Variants in ATRIP observed in about 807,000 individuals in gnomAD.
ATRIP encodes the protein ATR-interacting protein.
A neutral mutation model predicts 78.1 loss-of-function variants in ATRIP; 44 were observed. That is an observed-to-expected ratio of 0.56 (90% CI 0.44 to 0.72). The LOEUF is 0.72. Ranked by LOEUF, ATRIP falls within the 30% of genes least tolerant of loss-of-function variation. The pLI is 0.00. For missense variants in ATRIP, 927 were observed against 980.2 expected, an observed-to-expected ratio of 0.95 and a Z score of 0.72; for synonymous variants, 388 against 408.9, an observed-to-expected ratio of 0.95 and a Z score of 0.62.
Position 48,466,286 on chromosome 3 carries a change from C to T in ATRIP, c.*732C>T. 1 of 645,850 alleles carries T rather than the reference C, an allele frequency of 1.5e-6. No individual in the cohort carries two copies. The highest frequency in any genetic ancestry group is 4.2e-4 in the Middle Eastern group (1 of 2,396). 40.0% of individuals were successfully genotyped at this position (645,850 alleles called of 1,614,324 possible). ...GGGAGAGTGTGCAGCCGAGTCACTA[C>T]TGCCTGCCTGCCTGCCTGCTACGGT... On this transcript the variant is annotated 3_prime_UTR_variant, in exon 13 of 13. Transcript: ENST00000320211.
intron 8 of ATRIP, 88 bp downstream of exon 8, chr3:48,460,887 TCTTGA>T: frequency 7.9e-7 from 1 of 1,258,184 alleles, no homozygotes; most frequent in East Asian, 2.4e-5. Flanking sequence ...TTTGCTCACA[TCTTGA>T]CTTATCTACA....
chr3:48,451,783 C>T lies in ATRIP; in HGVS notation c.436C>T (p.Arg146Ter), dbSNP rs1243263893. The T allele has an allele frequency of 5.6e-6, 9 of 1,606,380 alleles. No homozygotes were observed. The highest frequency in any genetic ancestry group is 1.3e-5 in the African/African-American group (1 of 74,788). The change falls in exon 3 of 13, where the codon CGA becomes TGA. Residue 146 changes from arginine to a stop codon, truncating the protein, a stop_gained. Transcript: ENST00000320211. LOFTEE classifies it high-confidence loss of function. Reference protein sequence around the residue: ...LIKNGEIKILRDSLHQTESVL... With the variant: ...LIKNGEIKIL ...TAAGAATGGAGAAATTAAAATTTTG[C>T]GAGACTCACTACATCAGACGGAATC...
rs180805086 is a variant in ATRIP at position 48,453,739 on chromosome 3, C to A, written c.553-561C>A. Reference sequence around the variant, plus strand: ...ACCTGGAATTGTGCACCAGTGCGTTCGTTAATAAAGGTCAATATGTTACTG... The same window carrying A: ...ACCTGGAATTGTGCACCAGTGCGTTAGTTAATAAAGGTCAATATGTTACTG... On this transcript the variant is annotated intron_variant, in intron 3 of 12. Coordinates refer to ENST00000320211, the MANE Select transcript of ATRIP (RefSeq NM_130384.3). Among the ~76,000 whole-genome samples, 4 of 152,200 alleles carry A rather than the reference C, an allele frequency of 2.6e-5. No homozygotes were observed. In the South Asian group the frequency reaches 8.3e-4, roughly 32 times the overall value.
At chr3:48,450,216 C>T (rs370870241) in intron 2 of ATRIP, 46 bp downstream of exon 2, 9 of 1,582,358 alleles carry the variant, frequency 5.7e-6, no homozygotes, top group Admixed American at 1.8e-5. Flanking sequence ...CATTCACTTA[C>T]GTGTTTAAAA....
Position 48,446,817 on chromosome 3 carries a change from C to G in ATRIP, c.-29C>G, listed in dbSNP as rs760919772. On this transcript the variant is annotated 5_prime_UTR_variant, in exon 1 of 13. Transcript: ENST00000320211. The stretch of plus-strand genomic sequence containing the variant: ...GGCGGCAGGCAAGTCTAGCTCGGCG[C>G]TGTCGGATACTTGGGGTGAGCGGAA... 2 of 1,383,718 alleles carry G rather than the reference C, an allele frequency of 1.4e-6. No individual in the cohort carries two copies. The highest frequency in any genetic ancestry group is 1.9e-6 in the Non-Finnish European group (2 of 1,067,678). The allele number at this position is 1,383,718 out of a possible 1,614,324, so 85.7% of individuals were successfully genotyped here. A position where few individuals can be genotyped will look rare whatever the true frequency, so the allele number is the denominator to read the frequency against.
chr3:48,454,474 C>CATAA, intron 4 of ATRIP, 56 bp downstream of exon 4: 1 of 1,348,538 alleles, frequency 7.4e-7, no homozygotes, highest in Middle Eastern at 1.8e-4. Flanking sequence ...AAAAAATCTG[C>CATAA]ATAACAGTGT....
intron 2 of ATRIP, chr3:48,450,393 CA>C: frequency 2.0e-6 from 2 of 1,020,544 alleles, no homozygotes. Flanking sequence ...ATACCAGATC[CA>C]AAAAGAGATA....
chr3:48,449,545 G>C (rs778805589), intron 1 of ATRIP, among the ~76,000 whole-genome samples: 13 of 151,480 alleles, frequency 8.6e-5, no homozygotes, highest in Admixed American at 4.0e-4. Flanking sequence ...AGCACTTTGG[G>C]AGGCAAAGGC....
chr3:48,464,875 A>G lies in ATRIP; in HGVS notation c.2100A>G (p.Thr700=). 6.2e-7 allele frequency: 1 copy of G among 1,613,832 alleles called. No homozygotes were observed. Among genetic ancestry groups the G allele is most frequent in the Non-Finnish European group, 8.5e-7 (1 of 1,179,866 alleles). Residue 700 remains threonine (T), a synonymous_variant, in exon 12 of 13, where the codon ACA becomes ACG. Transcript: ENST00000320211. ...LTVMLHRQWL[T]VRRAGGPPRT... ...TGATGTTGCACAGACAGTGGCTGAC[A>G]GTGCGGAGGGCAGGGGGACCCCCAA...
chr3:48,463,440 C>A (rs1268148188), intron 8 of ATRIP, among the ~76,000 whole-genome samples: 1 of 151,818 alleles, frequency 6.6e-6, no homozygotes, highest in Non-Finnish European at 1.5e-5. Flanking sequence ...TGTTTGGGAG[C>A]ATGTGGAAGC....
intron 2 of ATRIP, among the ~76,000 whole-genome samples, chr3:48,451,380 A>C (rs1396709422): frequency 6.6e-6 from 1 of 152,146 alleles, no homozygotes; most frequent in Non-Finnish European, 1.5e-5. Context: ...AGTCCTAGCT[A>C]CTCAAGAGGT....
chr3:48,463,899 G>A lies in ATRIP; in HGVS notation c.1882+18G>A, dbSNP rs755300826. 80 of 1,613,926 alleles carry A rather than the reference G, an allele frequency of 5.0e-5. No individual in the cohort carries two copies. The highest frequency in any genetic ancestry group is 1.7e-4 in the Middle Eastern group (1 of 6,024). The stretch of plus-strand genomic sequence containing the variant: ...CCACTCAGGTAAAGCAGGGTGGGGC[G>A]GGCGTCTAGACTGCTCCTGCAGATC... On this transcript the variant is annotated intron_variant, in intron 9 of 12. Transcript: ENST00000320211.
At position 48,451,691 on chromosome 3, in the gene ATRIP, C is replaced by T. The variant is rs371062542; in HGVS notation, c.382-38C>T. On this transcript the variant is annotated intron_variant, in intron 2 of 12. Coordinates refer to ENST00000320211, the MANE Select transcript of ATRIP (RefSeq NM_130384.3). ...AAACAAAGTACCTAAGTAGTTTTCT[C>T]TTACAAAGTTTTCACGAGATTAATT... 9.0e-6 allele frequency: 14 copies of T among 1,548,148 alleles called. No homozygotes were observed. In the African/African-American group the frequency reaches 1.2e-4, roughly 14 times the overall value.
Position 48,460,402 on chromosome 3 carries a change from C to G in ATRIP, c.1348C>G (p.Pro450Ala). 3 of 1,613,448 alleles carry G rather than the reference C, an allele frequency of 1.9e-6. No individual in the cohort carries two copies. The highest frequency in any genetic ancestry group is 2.5e-6 in the Non-Finnish European group (3 of 1,179,686). The change falls in exon 8 of 13, where the codon CCG (proline) becomes GCG (alanine). Residue 450 changes from proline (P) to alanine (A), a missense_variant. Coordinates refer to ENST00000320211, the MANE Select transcript of ATRIP (RefSeq NM_130384.3). ...AKRSGAPGDS[P>A]THSSCVSSGV... ...GAGAAGCGGAGCACCTGGGGACTCA[C>G]CGACACATTCCTCCTGCGTGAGCTC...
At chr3:48,449,944 G>GAAAA in intron 1 of ATRIP, 93 bp from the exon 2 acceptor site, 43 of 1,118,672 alleles carry the variant, frequency 3.8e-5, no homozygotes, top group African/African-American at 6.4e-5. Flanking sequence ...TCTCAAAAAA[G>GAAAA]AAAAAAAAAA....
In ATRIP at chr3:48,460,813, T is replaced by G. The variant is rs781039967; in HGVS notation, c.1745+14T>G. 5.7e-6 allele frequency: 9 copies of G among 1,577,046 alleles called. No individual in the cohort carries two copies. Among genetic ancestry groups the G allele is most frequent in the Admixed American group, 1.7e-5 (1 of 58,050 alleles). ...TTTCTTGCCCAGGTATTAAGCTGCA[T>G]AGGAGTCATGATTCTTTGTGGGTCT... On this transcript the variant is annotated intron_variant, in intron 8 of 12. Coordinates refer to ENST00000320211, the MANE Select transcript of ATRIP (RefSeq NM_130384.3).
At chr3:48,452,787 A>T (rs1237927281) in intron 3 of ATRIP, among the ~76,000 whole-genome samples, 1 of 152,076 alleles carries the variant, frequency 6.6e-6, no homozygotes, top group Non-Finnish European at 1.5e-5. Context: ...TCCCTGGCCA[A>T]TTGCTATAAC....
rs1278372985 is a variant in ATRIP, at chr3:48,451,779, T to C, written c.432T>C (p.Ile144=). Reference sequence around the variant, plus strand: ...TCATTAAGAATGGAGAAATTAAAATTTTGCGAGACTCACTACATCAGACGG... The same window carrying C: ...TCATTAAGAATGGAGAAATTAAAATCTTGCGAGACTCACTACATCAGACGG... ...EVLIKNGEIK[I]LRDSLHQTES... The change falls in exon 3 of 13, where the codon ATT becomes ATC. Residue 144 remains isoleucine, a synonymous_variant. Coordinates refer to ENST00000320211, the MANE Select transcript of ATRIP (RefSeq NM_130384.3). The C allele has an allele frequency of 3.7e-6, 6 of 1,607,134 alleles. No individual in the cohort carries two copies. The highest frequency in any genetic ancestry group is 1.6e-4 in the Middle Eastern group (1 of 6,072).
At chr3:48,450,315 G>C in intron 2 of ATRIP, 145 bp downstream of exon 2, 1 of 1,216,404 alleles carries the variant, frequency 8.2e-7, no homozygotes, top group Non-Finnish European at 1.1e-6. Flanking sequence ...AAGAAAACCA[G>C]AAAGTTTAGG....
Sources: allele counts gnomAD v4.1 joint callset (sites outside exome capture counted in the v4.1 genomes callset), GRCh38; gene constraint gnomAD v4.1.1; transcripts MANE v1.5; gene names NCBI Gene and HGNC (gene_info 2026-07-23, HGNC 2026-07-21).